The following SSC4D variants were observed in gnomAD, a reference collection of about 807,000 sequenced individuals.
SSC4D encodes scavenger receptor cysteine rich family member with 4 domains, also known as scavenger receptor cysteine-rich domain-containing group B protein.
SSC4D carries 57 observed loss-of-function variants against 63.4 expected under a neutral mutation model. The ratio of observed to expected loss-of-function variants is 0.90; its 90% CI spans 0.73 to 1.12. The LOEUF is 1.12. SSC4D is among the 50% of genes most tolerant of loss of function. The pLI is 0.00. For missense variants in SSC4D, 791 were observed against 806.4 expected (o/e 0.98, Z 0.23); for synonymous variants, 352 against 345.4 (o/e 1.02, Z -0.21).
chr7:76,399,375 G>A (rs1011279403), intron 4 of SSC4D, among the ~76,000 whole-genome samples: 3 of 152,060 alleles, frequency 2.0e-5, no homozygotes, highest in Admixed American at 2.0e-4. Flanking sequence ...AGATTCTCAG[G>A]CCCCATCCAG....
At chr7:76,397,441 G>T (rs1243621480) in intron 6 of SSC4D, 77 bp downstream of exon 6, 1 of 1,423,874 alleles carries the variant, frequency 7.0e-7, no homozygotes, top group Non-Finnish European at 9.2e-7. Flanking sequence ...CCTCCCCACC[G>T]AAGCCTCCTC....
chr7:76,408,106 G>A (rs1012541195), intron 1 of SSC4D, among the ~76,000 whole-genome samples: 4 of 152,146 alleles, frequency 2.6e-5, no homozygotes, highest in African/African-American at 9.7e-5. Flanking sequence ...TAGAGAGGAT[G>A]GTTCTGTTTG....
chr7:76,400,185 G>T, intron 4 of SSC4D, 101 bp downstream of exon 4: 1 of 1,286,390 alleles, frequency 7.8e-7, no homozygotes, highest in Non-Finnish European at 1.0e-6. Flanking sequence ...TGATCTGCAT[G>T]GAACAGCCTT....
At chr7:76,407,380 G>A (rs1805073987) in intron 1 of SSC4D, among the ~76,000 whole-genome samples, 1 of 151,438 alleles carries the variant, frequency 6.6e-6, no homozygotes, top group African/African-American at 2.4e-5. Context: ...CGCCCAGGCT[G>A]GAGTGCAGTG....
chr7:76,405,327 C>CTTTCTTTT (rs1804979611), intron 1 of SSC4D, among the ~76,000 whole-genome samples: 2 of 20,846 alleles, frequency 9.6e-5, no homozygotes, highest in African/African-American at 2.2e-4. Context: ...GTATTTTTTT[C>CTTTCTTTT]TTTCTTTCTT....
chr7:76,400,617 AG>A, intron 3 of SSC4D, 26 bp from the exon 4 acceptor site: 2 of 1,432,718 alleles, frequency 1.4e-6, no homozygotes, highest in Admixed American at 3.0e-5. Flanking sequence ...AGCTGGCACC[AG>A]GGGGTCACTG....
chr7:76,401,621 TG>T (rs1418190837), intron 2 of SSC4D, among the ~76,000 whole-genome samples: 1 of 152,224 alleles, frequency 6.6e-6, no homozygotes, highest in African/African-American at 2.4e-5. Flanking sequence ...TTCGCCATGT[TG>T]GCCAGGCTGG....
intron 5 of SSC4D, 48 bp from the exon 6 acceptor site, chr7:76,397,880 C>T (rs1563682818): frequency 2.7e-6 from 4 of 1,467,176 alleles, no homozygotes; most frequent in Non-Finnish European, 2.7e-6. Context: ...TGGCCTCTGC[C>T]CCCGTCCGCA....
intron 9 of SSC4D, among the ~76,000 whole-genome samples, chr7:76,392,425 C>CT (rs1804513340): frequency 6.6e-6 from 1 of 151,806 alleles, no homozygotes; most frequent in Admixed American, 6.6e-5. Flanking sequence ...TGGCATGCAC[C>CT]TGTAGTCCCA....
In SSC4D at chr7:76,393,817, C is replaced by G. The variant is rs773051780; in HGVS notation, c.1021+13G>C. On this transcript the variant is annotated intron_variant, in intron 8 of 10. Coordinates refer to ENST00000275560, the MANE Select transcript of SSC4D (RefSeq NM_080744.2). Reference sequence around the variant, plus strand: ...CTTCCCCATCCCCCGCAGACCCAGGCACCGCCACTTACTTTTCTTCCCCGC... The same window carrying G: ...CTTCCCCATCCCCCGCAGACCCAGGGACCGCCACTTACTTTTCTTCCCCGC... 2.6e-6 allele frequency: 4 copies of G among 1,542,364 alleles called. No individual in the cohort carries two copies. The East Asian group carries it at 9.5e-5, about 37-fold the overall frequency.
rs766671197 is a variant in SSC4D, at chr7:76,397,519, T to G, written c.867A>C (p.Ala289=). The change falls in exon 6 of 11, where the codon GCA becomes GCC. Residue 289 remains alanine (A), a splice_region_variant and synonymous_variant. Transcript: ENST00000275560. ...GCCCATCGCCCCTAGAGCCCGCACCTGCGCAGAGCGCGCCCGCGTCCTCGT... is the reference window on the plus strand; with the variant it reads ...GCCCATCGCCCCTAGAGCCCGCACCGGCGCAGAGCGCGCCCGCGTCCTCGT... ...GHHEDAGALC[A]GLGPPTLTAL... is the part of the protein sequence containing the mutation. The G allele has an allele frequency of 1.1e-5, 17 of 1,480,694 alleles. No homozygotes were observed. The highest frequency in any genetic ancestry group is 4.9e-5 in the South Asian group (4 of 82,332). 91.7% of individuals were successfully genotyped at this position (1,480,694 alleles called of 1,614,324 possible).
At chr7:76,392,097 C>T in intron 9 of SSC4D, 56 bp from the exon 10 acceptor site, 1 of 1,527,512 alleles carries the variant, frequency 6.5e-7, no homozygotes, top group Non-Finnish European at 8.9e-7. Context: ...AAGCATGTTC[C>T]TTAGGGCCAG....
intron 6 of SSC4D, 54 bp from the exon 7 acceptor site, chr7:76,395,384 C>A (rs528887287): frequency 1.3e-6 from 2 of 1,565,478 alleles, no homozygotes; most frequent in East Asian, 2.2e-5. Flanking sequence ...GGTCTCTGGT[C>A]AGCCATGGGC....
At chr7:76,409,310 C>G (rs1805155660) in intron 1 of SSC4D, 104 bp downstream of exon 1, 1 of 113,736 alleles carries the variant, frequency 8.8e-6, no homozygotes, top group Non-Finnish European at 1.8e-5. Context: ...CTCTCTCTCT[C>G]TCTCTCTCTG....
intron 1 of SSC4D, among the ~76,000 whole-genome samples, chr7:76,407,606 G>T (rs1005259015): frequency 6.6e-6 from 1 of 152,096 alleles, no homozygotes; most frequent in African/African-American, 2.4e-5. Context: ...GGTGGTGCAT[G>T]CCTGTAATCC....
chr7:76,405,274 TATATATATATATA>T (rs1804964368), intron 1 of SSC4D, among the ~76,000 whole-genome samples: 57 of 21,248 alleles, frequency 2.7e-3, no homozygotes, highest in South Asian at 7.1e-3. Context: ...CAGCTAATTA[TATATATATATATA>T]TATATATATA....
At chr7:76,408,351 C>T (rs1196535540) in intron 1 of SSC4D, among the ~76,000 whole-genome samples, 1 of 152,114 alleles carries the variant, frequency 6.6e-6, no homozygotes, top group Non-Finnish European at 1.5e-5. Flanking sequence ...TCTGCCTGGA[C>T]TGGGGACAGC....
rs776260983 is a variant in SSC4D, at chr7:76,390,272, C to T, written c.1515G>A (p.Arg505=). 4.3e-6 allele frequency: 7 copies of T among 1,613,982 alleles called. No homozygotes were observed. In the South Asian group the frequency reaches 5.5e-5, roughly 13 times the overall value. Reference sequence around the variant, plus strand: ...GCTGGCGGCACAGGACACCGGCTGCCCGCAGGTCCCAAGCATCATCACAGA... The same window carrying T: ...GCTGGCGGCACAGGACACCGGCTGCTCGCAGGTCCCAAGCATCATCACAGA... ...GTVCDDAWDL[R]AAGVLCRQLG... is the part of the protein sequence containing the mutation. Residue 505 remains arginine (R), a synonymous_variant, in exon 11 of 11, where the codon CGG becomes CGA. Coordinates refer to ENST00000275560, the MANE Select transcript of SSC4D (RefSeq NM_080744.2).
intron 9 of SSC4D, among the ~76,000 whole-genome samples, chr7:76,392,367 T>C (rs1029761451): frequency 2.6e-5 from 4 of 152,012 alleles, no homozygotes; most frequent in African/African-American, 7.3e-5. Flanking sequence ...CTGGCCAACA[T>C]GGTGAAACCC....
Sources: allele counts gnomAD v4.1 joint callset (sites outside exome capture counted in the v4.1 genomes callset), GRCh38; gene constraint gnomAD v4.1.1; transcripts MANE v1.5; gene names NCBI Gene and HGNC (gene_info 2026-07-23, HGNC 2026-07-21).